CPE: variants seen among roughly 807,000 people sequenced by gnomAD.
CPE encodes the protein carbocypeptidase E.
Under a neutral mutation model 53.5 loss-of-function variants are expected in CPE, and 17 were observed. The observed-to-expected ratio is 0.32, with a 90% CI of 0.22 to 0.48. The LOEUF (loss-of-function observed/expected upper bound fraction) is 0.48. CPE is among the 20% of genes least tolerant of loss of function. The pLI is 0.99. For missense variants in CPE, 524 were observed against 614.7 expected (o/e 0.85, Z 1.56); for synonymous variants, 226 against 228.8 (o/e 0.99, Z 0.11).
chr4:165,392,324 TATATG>T (rs954824036), intron 1 of CPE, among the ~76,000 whole-genome samples: 1 of 146,568 alleles, frequency 6.8e-6, no homozygotes, highest in African/African-American at 2.5e-5. Flanking sequence ...GTATTGTAAA[TATATG>T]ATATATGTAT....
intron 1 of CPE, among the ~76,000 whole-genome samples, chr4:165,409,988 C>G (rs982475317): frequency 6.6e-6 from 1 of 152,074 alleles, no homozygotes; most frequent in Non-Finnish European, 1.5e-5. Context: ...TGGCTCATGC[C>G]TGTAATCCCA....
At chr4:165,479,946 C>G (rs758299157) in intron 3 of CPE, among the ~76,000 whole-genome samples, 109 of 148,864 alleles carry the variant, frequency 7.3e-4, no homozygotes, top group Non-Finnish European at 1.4e-3. Flanking sequence ...GAACCAAGAT[C>G]GCTCCACTGC....
intron 1 of CPE, among the ~76,000 whole-genome samples, chr4:165,431,824 G>A (rs1186302219): frequency 6.6e-6 from 1 of 152,092 alleles, no homozygotes; most frequent in Admixed American, 6.6e-5. Flanking sequence ...CTAAATGTAT[G>A]AGAAAAGATC....
At chr4:165,408,229 T>C (rs1331624376) in intron 1 of CPE, among the ~76,000 whole-genome samples, 1 of 152,164 alleles carries the variant, frequency 6.6e-6, no homozygotes, top group Non-Finnish European at 1.5e-5. Flanking sequence ...TAAAAAACCA[T>C]TGCGTAATCT....
At chr4:165,434,216 G>A (rs1215063107) in intron 1 of CPE, among the ~76,000 whole-genome samples, 1 of 151,980 alleles carries the variant, frequency 6.6e-6, no homozygotes, top group Non-Finnish European at 1.5e-5. Flanking sequence ...CCAGGGTCAG[G>A]GAACATGTGG....
rs374406334 is a variant in CPE at position 165,497,835 on chromosome 4, CA to C, written c.*231del. ...TATTCATTTTCCTACCTATATTACA[CA>C]AAAAAGTATAGAAAAGATTTAAGTA... is the stretch of plus-strand genomic sequence containing the variant. On this transcript the variant is annotated 3_prime_UTR_variant, in exon 9 of 9. Coordinates refer to ENST00000402744, the MANE Select transcript of CPE (RefSeq NM_001873.4). 4.6e-5 allele frequency: 12 copies of C among 262,814 alleles called. No individual in the cohort carries two copies. Among genetic ancestry groups the C allele is most frequent in the African/African-American group, 1.8e-4 (8 of 45,498 alleles). 16.3% of individuals were successfully genotyped at this position (262,814 alleles called of 1,614,324 possible).
chr4:165,469,062 C>T (rs190385574), intron 3 of CPE, among the ~76,000 whole-genome samples: 1 of 152,296 alleles, frequency 6.6e-6, no homozygotes, highest in East Asian at 1.9e-4. Flanking sequence ...ATATAAAGTA[C>T]TTGAAGCCAG....
intron 1 of CPE, among the ~76,000 whole-genome samples, chr4:165,448,478 T>C (rs1331896199): frequency 6.6e-6 from 1 of 152,216 alleles, no homozygotes; most frequent in East Asian, 1.9e-4. Flanking sequence ...CTCTTTCTTC[T>C]GGTTCCTACC....
At chr4:165,396,881 C>T (rs570353948) in intron 1 of CPE, among the ~76,000 whole-genome samples, 153 of 129,492 alleles carry the variant, frequency 1.2e-3, no homozygotes, top group African/African-American at 4.3e-3. Flanking sequence ...GAAACCCTGT[C>T]GCCACAAAAA....
intron 1 of CPE, among the ~76,000 whole-genome samples, chr4:165,422,369 TA>T (rs933672854): frequency 1.7e-4 from 26 of 152,108 alleles, no homozygotes; most frequent in East Asian, 5.8e-4. Flanking sequence ...CTCTTTACAA[TA>T]AAAAATTGTT....
chr4:165,469,612 C>T (rs943611207), intron 3 of CPE, among the ~76,000 whole-genome samples: 1 of 152,192 alleles, frequency 6.6e-6, no homozygotes, highest in African/African-American at 2.4e-5. Flanking sequence ...AAGACAGATT[C>T]TTTTTTCACA....
chr4:165,484,652 A>G, intron 5 of CPE, 48 bp downstream of exon 5: 2 of 1,541,428 alleles, frequency 1.3e-6, no homozygotes, highest in African/African-American at 1.4e-5. Flanking sequence ...GCTTATTTAC[A>G]ATGACCATTT....
At chr4:165,413,285 G>T (rs1337805684) in intron 1 of CPE, among the ~76,000 whole-genome samples, 1 of 152,076 alleles carries the variant, frequency 6.6e-6, no homozygotes, top group African/African-American at 2.4e-5. Context: ...CTGAGTCCAC[G>T]GGCCTGGAAA....
chr4:165,408,908 A>G (rs1312266265), intron 1 of CPE, among the ~76,000 whole-genome samples: 2 of 152,236 alleles, frequency 1.3e-5, no homozygotes, highest in African/African-American at 4.8e-5. Flanking sequence ...GCATGGAGGA[A>G]GAAAACAGTA....
At chr4:165,414,374 A>G (rs544117610) in intron 1 of CPE, among the ~76,000 whole-genome samples, 1 of 152,348 alleles carries the variant, frequency 6.6e-6, no homozygotes, top group South Asian at 2.1e-4. Context: ...GATCTGCTTT[A>G]AAGAAGAGTA....
chr4:165,487,406 A>C, intron 5 of CPE, 32 bp from the exon 6 acceptor site: 1 of 1,612,234 alleles, frequency 6.2e-7, no homozygotes, highest in Non-Finnish European at 8.5e-7. Flanking sequence ...CTCCTTGTGC[A>C]TATTTTGACT....
rs773747254 is a variant in CPE, at chr4:165,379,506, C to T, written c.285C>T (p.Asp95=). 3.6e-5 allele frequency: 58 copies of T among 1,593,160 alleles called. No homozygotes were observed. The highest frequency in any genetic ancestry group is 4.6e-5 in the Non-Finnish European group (54 of 1,166,738). The part of the protein sequence containing the change: ...GRELLVIELS[D]NPGVHEPGEP... ...AGCTCCTGGTCATCGAGCTGTCCGA[C>T]AACCCTGGCGTCCATGAGCCTGGTA... The change falls in exon 1 of 9, where the codon GAC becomes GAT. Residue 95 remains aspartate (D), a synonymous_variant. Coordinates refer to ENST00000402744, the MANE Select transcript of CPE (RefSeq NM_001873.4). This position sits in a 1 kb window ranked among gnomAD's most constrained non-coding sequence, Gnocchi z 6.0.
At chr4:165,402,832 T>TG (rs1730891439) in intron 1 of CPE, among the ~76,000 whole-genome samples, 1 of 152,154 alleles carries the variant, frequency 6.6e-6, no homozygotes, top group African/African-American at 2.4e-5. Context: ...ACAAAAAGAC[T>TG]TACTCTCCCC....
At chr4:165,387,786 C>T (rs758570298) in intron 1 of CPE, among the ~76,000 whole-genome samples, 31 of 152,046 alleles carry the variant, frequency 2.0e-4, no homozygotes, top group East Asian at 1.9e-4. Flanking sequence ...CCAGCCTGGG[C>T]GCAGAGTGAG....
Sources: gnomAD v4.1 joint callset for allele counts (sites outside exome capture counted in the v4.1 genomes callset) on GRCh38, gnomAD v4.1.1 for gene constraint, Gnocchi (gnomAD v3.1) non-coding constraint, MANE v1.5 for transcripts, NCBI Gene and HGNC (gene_info 2026-07-23, HGNC 2026-07-21) for gene names.